The following TTLL9 variants were observed in gnomAD, a reference collection of about 807,000 sequenced individuals.
TTLL9 encodes the protein probable tubulin polyglutamylase TTLL9.
Under a neutral mutation model 65.6 loss-of-function variants are expected in TTLL9, and 47 were observed. That is an observed-to-expected ratio of 0.72 (90% CI 0.57 to 0.91). TTLL9 has a LOEUF of 0.91. Ranked by LOEUF, TTLL9 falls within the 40% of genes least tolerant of loss-of-function variation. The probability of loss-of-function intolerance (pLI) is 0.00; values close to 1 mark genes in which losing one functional copy is unlikely to be tolerated. For missense variants in TTLL9, 537 were observed against 568.8 expected, an observed-to-expected ratio of 0.94 and a Z score of 0.57; for synonymous variants, 179 against 204.8, an observed-to-expected ratio of 0.87 and a Z score of 1.07.
At chr20:31,934,392 C>G (rs757200277) in intron 11 of TTLL9, 70 of 573,978 alleles carry the variant, frequency 1.2e-4, no homozygotes, top group South Asian at 1.0e-3. Context: ...ACTCCTTGGC[C>G]TTGGGATGCA....
At chr20:31,900,173 C>T (rs2063456036) in intron 4 of TTLL9, among the ~76,000 whole-genome samples, 1 of 152,182 alleles carries the variant, frequency 6.6e-6, no homozygotes, top group Non-Finnish European at 1.5e-5. Flanking sequence ...GGGGTAGCTG[C>T]CCTGCTGCGT....
At chr20:31,896,480 G>T (rs1218456215) in intron 3 of TTLL9, among the ~76,000 whole-genome samples, 1 of 152,052 alleles carries the variant, frequency 6.6e-6, no homozygotes, top group Admixed American at 6.5e-5. Context: ...ATAATCATGT[G>T]ATTTCTCCAT....
At chr20:31,911,130 G>A (rs1015771388) in intron 6 of TTLL9, among the ~76,000 whole-genome samples, 5 of 151,936 alleles carry the variant, frequency 3.3e-5, no homozygotes, top group Middle Eastern at 3.4e-3. Context: ...AGCCGAGATC[G>A]CCCCACTGCA....
At chr20:31,873,680 G>C (rs535453553) in intron 2 of TTLL9, among the ~76,000 whole-genome samples, 176 of 100,394 alleles carry the variant, frequency 1.8e-3, no homozygotes, top group East Asian at 7.3e-3. Context: ...AAGAAAGAGA[G>C]AGAGAGAAAG....
At chr20:31,900,775 G>C (rs889007955) in intron 4 of TTLL9, among the ~76,000 whole-genome samples, 48 of 152,154 alleles carry the variant, frequency 3.2e-4, no homozygotes, top group African/African-American at 1.2e-3. Flanking sequence ...AGAGTGAGGT[G>C]ACTAGCAGGT....
intron 14 of TTLL9, among the ~76,000 whole-genome samples, chr20:31,941,993 GA>G (rs1202404092): frequency 6.6e-6 from 1 of 150,960 alleles, no homozygotes; most frequent in African/African-American, 2.4e-5. Context: ...CACTGGACAA[GA>G]AGACTCGAGA....
rs1216112431 is a variant in TTLL9, at chr20:31,898,414, T to G, written c.114-59T>G. 7 of 1,506,732 alleles carry G rather than the reference T, an allele frequency of 4.6e-6. No homozygotes were observed. The African/African-American group carries it at 9.6e-5, about 21-fold the overall frequency. The allele number at this position is 1,506,732 out of a possible 1,614,324, so 93.3% of individuals were successfully genotyped here. ...TTCTCTTCCTCCTTTTTTCCTCTCC[T>G]TGCGCCATCCTAGGAAAATCATTGA... On this transcript the variant is annotated intron_variant, in intron 3 of 14. Coordinates refer to ENST00000535842, the MANE Select transcript of TTLL9 (RefSeq NM_001008409.5).
intron 10 of TTLL9, among the ~76,000 whole-genome samples, chr20:31,929,163 T>A (rs994290322): frequency 6.6e-6 from 1 of 152,230 alleles, no homozygotes; most frequent in African/African-American, 2.4e-5. Context: ...TCCAAGGTGC[T>A]GGGATTACAG....
chr20:31,883,050 C>A (rs1035691586), intron 2 of TTLL9, among the ~76,000 whole-genome samples: 1 of 152,190 alleles, frequency 6.6e-6, no homozygotes, highest in Non-Finnish European at 1.5e-5. Context: ...GGAGTTGGAA[C>A]TGAGACCTCA....
rs566838456 is a variant in TTLL9 at position 31,888,700 on chromosome 20, C to G, written c.113+1461C>G. Among the ~76,000 whole-genome samples the G allele has an allele frequency of 4.6e-5, 7 of 152,188 alleles. No homozygotes were observed. In the East Asian group the frequency reaches 1.4e-3, roughly 29 times the overall value. ...TTGGCTCATGTTTCTACAGGCTGTA[C>G]AAGCATGGCACCAGCATCTGCTCAG... is the stretch of plus-strand genomic sequence containing the variant. On this transcript the variant is annotated intron_variant, in intron 3 of 14. Coordinates refer to ENST00000535842, the MANE Select transcript of TTLL9 (RefSeq NM_001008409.5).
intron 4 of TTLL9, among the ~76,000 whole-genome samples, chr20:31,906,741 C>A (rs771480069): frequency 2.0e-5 from 3 of 152,146 alleles, no homozygotes; most frequent in African/African-American, 4.8e-5. Context: ...CCTCCACCCC[C>A]CTGCTCAAGT....
intron 3 of TTLL9, among the ~76,000 whole-genome samples, chr20:31,892,331 G>A (rs918010004): frequency 4.0e-5 from 6 of 151,120 alleles, no homozygotes; most frequent in African/African-American, 7.3e-5. Context: ...AGGCCATCAC[G>A]CCTGGCTAAT....
chr20:31,892,115 T>C (rs1053992660), intron 3 of TTLL9, among the ~76,000 whole-genome samples: 3 of 152,038 alleles, frequency 2.0e-5, no homozygotes, highest in African/African-American at 7.2e-5. Flanking sequence ...AGCCGATAAA[T>C]TTTTAAAATA....
At chr20:31,935,790 G>A (rs925000666) in intron 12 of TTLL9, among the ~76,000 whole-genome samples, 3 of 152,168 alleles carry the variant, frequency 2.0e-5, no homozygotes, top group Non-Finnish European at 2.9e-5. Context: ...TTAGGGGAGG[G>A]ACCTCAGTTA....
intron 2 of TTLL9, among the ~76,000 whole-genome samples, chr20:31,876,158 A>C (rs554184729): frequency 1.4e-4 from 21 of 152,342 alleles, no homozygotes; most frequent in African/African-American, 4.6e-4. Context: ...TATTATTAGA[A>C]TATCTTGGCC....
chr20:31,924,935 A>C, intron 8 of TTLL9, 74 bp from the exon 9 acceptor site: 1 of 1,562,062 alleles, frequency 6.4e-7, no homozygotes, highest in Non-Finnish European at 8.8e-7. Context: ...GTCCACTGCT[A>C]TTTTCCCAAA....
chr20:31,897,276 G>T (rs2063400823), intron 3 of TTLL9, among the ~76,000 whole-genome samples: 2 of 152,148 alleles, frequency 1.3e-5, no homozygotes, highest in African/African-American at 4.8e-5. Flanking sequence ...TTGAGGAATT[G>T]TTCCATTTCA....
At chr20:31,885,042 GA>G (rs1398957290) in intron 2 of TTLL9, among the ~76,000 whole-genome samples, 1 of 152,038 alleles carries the variant, frequency 6.6e-6, no homozygotes, top group African/African-American at 2.4e-5. Context: ...CTAGAAAATA[GA>G]AAAAAATTTT....
chr20:31,931,637 T>C lies in TTLL9; in HGVS notation c.749-2163T>C, dbSNP rs893852290. Among the ~76,000 whole-genome samples, 8 of 152,308 alleles carry C rather than the reference T, an allele frequency of 5.3e-5. No homozygotes were observed. In the East Asian group the frequency reaches 9.7e-4, roughly 18 times the overall value. ...CCTAGTGGATGTGCAGTGGTTTTGA[T>C]TGGCATTTCCCTGATGACTAATTAT... On this transcript the variant is annotated intron_variant, in intron 10 of 14. Transcript: ENST00000535842.
Sources: allele counts gnomAD v4.1 joint callset (sites outside exome capture counted in the v4.1 genomes callset), GRCh38; gene constraint gnomAD v4.1.1; transcripts MANE v1.5; gene names NCBI Gene and HGNC (gene_info 2026-07-23, HGNC 2026-07-21).